Variants in ANKS1B observed in about 807,000 individuals in gnomAD.
ANKS1B encodes ankyrin repeat and sterile alpha motif domain-containing protein 1B.
Under a neutral mutation model 148.3 loss-of-function variants are expected in ANKS1B, and 36 were observed. That is an observed-to-expected ratio of 0.24 (90% CI 0.19 to 0.32). The LOEUF is 0.32. Ranked by LOEUF, ANKS1B falls within the 10% of genes least tolerant of loss-of-function variation. ANKS1B has a pLI of 1.00. For synonymous variants in ANKS1B, 542 were observed against 560.8 expected (o/e 0.97, Z 0.47); for missense variants, 1,157 against 1,542.6 (o/e 0.75, Z 4.19).
intron 17 of ANKS1B, among the ~76,000 whole-genome samples, chr12:98,933,064 G>C (rs1430006813): frequency 1.3e-5 from 2 of 152,096 alleles, no homozygotes. Flanking sequence ...TGGCACAGTA[G>C]ACCTCTAGAG....
chr12:98,953,796 AT>A (rs549132915), intron 17 of ANKS1B, among the ~76,000 whole-genome samples: 96 of 151,390 alleles, frequency 6.3e-4, no homozygotes, highest in Non-Finnish European at 1.1e-3. Context: ...GCCTCTGGTA[AT>A]TTTTTTTCCA....
chr12:98,958,482 T>G (rs1196312607), intron 17 of ANKS1B, among the ~76,000 whole-genome samples: 1 of 152,218 alleles, frequency 6.6e-6, no homozygotes, highest in Non-Finnish European at 1.5e-5. Flanking sequence ...CTGGCTATGA[T>G]AAAAACCATA....
chr12:99,044,486 C>T (rs1390814561), intron 17 of ANKS1B, among the ~76,000 whole-genome samples: 1 of 152,128 alleles, frequency 6.6e-6, no homozygotes, highest in African/African-American at 2.4e-5. Flanking sequence ...ATCTCCTGGG[C>T]ATACTGGGAA....
chr12:99,462,888 T>C (rs1398494357), intron 10 of ANKS1B, among the ~76,000 whole-genome samples: 2 of 152,166 alleles, frequency 1.3e-5, no homozygotes, highest in Non-Finnish European at 2.9e-5. Context: ...TCTCTCATCA[T>C]GTGATATGCC....
In ANKS1B at chr12:99,806,623, C is replaced by G. The variant is rs1395060776; in HGVS notation, c.450G>C (p.Glu150Asp). The change falls in exon 4 of 27, where the codon GAG (glutamate) becomes GAC (aspartate). Residue 150 changes from glutamate (E) to aspartate (D), a missense_variant. Transcript: ENST00000683438. ...HSEVVAVLLE[E>D]LTDPTIRNSK... is the part of the protein sequence containing the mutation. Reference sequence around the variant, plus strand: ...TATTTCTAATTGTCGGGTCAGTGAGCTCTTCTAGGAGAACAGCAACTACTT... The same window carrying G: ...TATTTCTAATTGTCGGGTCAGTGAGGTCTTCTAGGAGAACAGCAACTACTT... 2 of 1,613,830 alleles carry G rather than the reference C, an allele frequency of 1.2e-6. No homozygotes were observed. Among genetic ancestry groups the G allele is most frequent in the Admixed American group, 3.3e-5 (2 of 59,980 alleles).
intron 9 of ANKS1B, among the ~76,000 whole-genome samples, chr12:99,596,337 A>C (rs11109935): frequency 0.31 from 46,905 of 151,454 alleles, 9,409 homozygotes; most frequent in Non-Finnish European, 0.44. Context: ...GCATTACCCC[A>C]ATCTCTGCCT....
chr12:99,865,061 T>C (rs1397086733), intron 1 of ANKS1B, among the ~76,000 whole-genome samples: 1 of 152,230 alleles, frequency 6.6e-6, no homozygotes, highest in Non-Finnish European at 1.5e-5. Flanking sequence ...CTGGACAGCT[T>C]TGTGAAACTG....
At chr12:98,871,984 T>C (rs1189446023) in intron 17 of ANKS1B, among the ~76,000 whole-genome samples, 4 of 152,204 alleles carry the variant, frequency 2.6e-5, no homozygotes, top group African/African-American at 9.7e-5. Context: ...ACAGGAAATC[T>C]AGGATGTTTA....
chr12:98,995,924 A>G (rs1287336668), intron 17 of ANKS1B, among the ~76,000 whole-genome samples: 1 of 152,194 alleles, frequency 6.6e-6, no homozygotes, highest in Admixed American at 6.5e-5. Flanking sequence ...AGCTTCACAG[A>G]CAGTCAGAGG....
At chr12:99,393,245 C>A (rs1169100231) in intron 12 of ANKS1B, among the ~76,000 whole-genome samples, 2 of 152,140 alleles carry the variant, frequency 1.3e-5, no homozygotes, top group African/African-American at 4.8e-5. Context: ...TAAGGGGACC[C>A]AAGAGATTGA....
At chr12:99,306,429 T>C (rs1251075457) in intron 12 of ANKS1B, among the ~76,000 whole-genome samples, 2 of 151,964 alleles carry the variant, frequency 1.3e-5, no homozygotes, top group African/African-American at 2.4e-5. Flanking sequence ...TTCTTGTGTG[T>C]CTCCCTACCC....
chr12:99,282,620 T>TG (rs780291760), intron 12 of ANKS1B, among the ~76,000 whole-genome samples: 23 of 152,268 alleles, frequency 1.5e-4, no homozygotes, highest in South Asian at 6.2e-4. Context: ...TAGTGAGAAG[T>TG]GGTTAGCTTT....
At chr12:99,688,068 TGAGTACTCTTCC>T (rs1477546985) in intron 8 of ANKS1B, among the ~76,000 whole-genome samples, 1 of 152,246 alleles carries the variant, frequency 6.6e-6, no homozygotes, top group Non-Finnish European at 1.5e-5. Flanking sequence ...GAGACTCTTC[TGAGTACTCTTCC>T]AGTGCCTTGT....
intron 11 of ANKS1B, among the ~76,000 whole-genome samples, chr12:99,438,661 C>T (rs936677696): frequency 1.3e-5 from 2 of 151,802 alleles, no homozygotes; most frequent in Non-Finnish European, 2.9e-5. Flanking sequence ...ATGTATAAAA[C>T]ATTATAGCCA....
At chr12:99,936,773 AC>A (rs1566036726) in intron 1 of ANKS1B, among the ~76,000 whole-genome samples, 1 of 152,120 alleles carries the variant, frequency 6.6e-6, no homozygotes, top group Non-Finnish European at 1.5e-5. Flanking sequence ...TTCAGCCATT[AC>A]TTTTGTGACC....
chr12:99,317,993 C>G (rs548741090), intron 12 of ANKS1B, among the ~76,000 whole-genome samples: 3 of 152,152 alleles, frequency 2.0e-5, no homozygotes, highest in East Asian at 1.9e-4. Context: ...GTTGAACCAG[C>G]CTTGCATCCT....
intron 12 of ANKS1B, among the ~76,000 whole-genome samples, chr12:99,360,850 C>T (rs182932593): frequency 2.0e-5 from 3 of 152,014 alleles, no homozygotes; most frequent in Admixed American, 6.6e-5. Context: ...GTGAAACACG[C>T]CAGGCACATA....
At chr12:99,125,172 G>A (rs1057456445) in intron 15 of ANKS1B, among the ~76,000 whole-genome samples, 16 of 152,166 alleles carry the variant, frequency 1.1e-4, no homozygotes, top group African/African-American at 3.9e-4. Flanking sequence ...GTGCGTGAGA[G>A]CAGGGGTAGT....
chr12:98,844,277 T>C (rs1312155612), intron 17 of ANKS1B, among the ~76,000 whole-genome samples: 2 of 152,224 alleles, frequency 1.3e-5, no homozygotes, highest in Non-Finnish European at 2.9e-5. Flanking sequence ...TAGGATTAAA[T>C]GAGACATATG....
Sources: gnomAD v4.1 joint callset for allele counts (sites outside exome capture counted in the v4.1 genomes callset) on GRCh38, gnomAD v4.1.1 for gene constraint, MANE v1.5 for transcripts, NCBI Gene and HGNC (gene_info 2026-07-23, HGNC 2026-07-21) for gene names.